The following MYRIP variants were observed in gnomAD, a reference collection of about 807,000 sequenced individuals.
MYRIP encodes the protein myosin VIIA and Rab interacting protein.
Under a neutral mutation model 98.0 loss-of-function variants are expected in MYRIP, and 49 were observed. That is an observed-to-expected ratio of 0.50 (90% CI 0.40 to 0.63). The LOEUF is 0.63. Among genes scored for constraint, MYRIP ranks in the 30% least tolerant of loss-of-function variants. The pLI is 0.00. For missense variants in MYRIP, 1,004 were observed against 1,058.2 expected (o/e 0.95, Z 0.71); for synonymous variants, 404 against 409.5 (o/e 0.99, Z 0.16).
At chr3:39,917,453 AAAT>A (rs1240202175) in intron 2 of MYRIP, among the ~76,000 whole-genome samples, 2 of 122,522 alleles carry the variant, frequency 1.6e-5, no homozygotes, top group Non-Finnish European at 3.4e-5. Flanking sequence ...AATTTAAAAA[AAAT>A]AAAAAAATAG....
chr3:39,994,113 G>A (rs1378209872), intron 2 of MYRIP, among the ~76,000 whole-genome samples: 1 of 152,222 alleles, frequency 6.6e-6, no homozygotes, highest in African/African-American at 2.4e-5. Flanking sequence ...CAGCGTGAGC[G>A]ATGCAGAAGA....
At chr3:40,245,183 A>G (rs1953150704) in intron 13 of MYRIP, among the ~76,000 whole-genome samples, 1 of 152,208 alleles carries the variant, frequency 6.6e-6, no homozygotes, top group Non-Finnish European at 1.5e-5. Flanking sequence ...CGGCTATTTC[A>G]GAACTGATTG....
chr3:40,170,188 G>T, intron 8 of MYRIP, 95 bp downstream of exon 8: 1 of 1,488,046 alleles, frequency 6.7e-7, no homozygotes, highest in Non-Finnish European at 9.0e-7. Context: ...CCACTGGCCA[G>T]GGTAAAAATT....
At chr3:40,179,259 CTGTTGG>C (rs1950834399) in intron 8 of MYRIP, among the ~76,000 whole-genome samples, 1 of 152,138 alleles carries the variant, frequency 6.6e-6, no homozygotes, top group African/African-American at 2.4e-5. Flanking sequence ...GTCCTAGGAC[CTGTTGG>C]AGACAGCTCT....
intron 2 of MYRIP, among the ~76,000 whole-genome samples, chr3:39,956,138 G>A (rs565876867): frequency 7.9e-5 from 12 of 152,198 alleles, no homozygotes; most frequent in African/African-American, 2.4e-4. Flanking sequence ...AACTTAACAA[G>A]GATATCCAGG....
chr3:40,112,378 C>T (rs1047298662), intron 3 of MYRIP, among the ~76,000 whole-genome samples: 1 of 152,124 alleles, frequency 6.6e-6, no homozygotes, highest in Non-Finnish European at 1.5e-5. Flanking sequence ...TCACACTGGT[C>T]CTCAGTAAAT....
rs778270393 is a variant in MYRIP, at chr3:40,151,115, A to G, written c.400A>G (p.Ser134Gly). ...NVKSRFKRFGSAKVLKNLYRK... is the reference protein window; with the variant it reads ...NVKSRFKRFGGAKVLKNLYRK... ...GAAGAGCCGCTTCAAGCGCTTTGGC[A>G]GTGCCAAGGTTCTGAAGAACCTGTA... The change falls in exon 4 of 17, where the codon AGT becomes GGT. Residue 134 changes from serine (S) to glycine (G), a missense_variant. Around this residue, in one of 3 missense-constraint regions of MYRIP, gnomAD observed 880 missense variants for 907.7 expected, o/e 0.97. Coordinates refer to ENST00000302541, the MANE Select transcript of MYRIP (RefSeq NM_015460.4). 2.5e-6 allele frequency: 4 copies of G among 1,611,438 alleles called. No individual in the cohort carries two copies. Among genetic ancestry groups the G allele is most frequent in the Non-Finnish European group, 2.5e-6 (3 of 1,178,734 alleles).
At chr3:40,205,381 TA>T (rs1339172007) in intron 10 of MYRIP, among the ~76,000 whole-genome samples, 1 of 151,742 alleles carries the variant, frequency 6.6e-6, no homozygotes, top group East Asian at 1.9e-4. Flanking sequence ...TTCCCTGGCG[TA>T]AAATGCTTAT....
chr3:40,014,773 T>C lies in MYRIP; in HGVS notation c.111-29277T>C, dbSNP rs116196838. Among the ~76,000 whole-genome samples, 385 of 152,342 alleles carry C rather than the reference T, an allele frequency of 2.5e-3. 3 individuals are homozygous for C. The highest frequency in any genetic ancestry group is 8.6e-3 in the African/African-American group (356 of 41,580). On this transcript the variant is annotated intron_variant, in intron 2 of 16. Coordinates refer to ENST00000302541, the MANE Select transcript of MYRIP (RefSeq NM_015460.4). ...TCCCAGTTACATACATTTTGTTGGA[T>C]CCATGTACATGTTTTGAATCAGGAA...
intron 2 of MYRIP, among the ~76,000 whole-genome samples, chr3:40,039,218 GA>G (rs1947456216): frequency 6.6e-6 from 1 of 152,080 alleles, no homozygotes; most frequent in Non-Finnish European, 1.5e-5. Flanking sequence ...AGTTGGGGTG[GA>G]GAAAGTCTAC....
intron 4 of MYRIP, among the ~76,000 whole-genome samples, chr3:40,162,468 C>T (rs1950416670): frequency 6.6e-6 from 1 of 152,168 alleles, no homozygotes; most frequent in African/African-American, 2.4e-5. Context: ...GTCTTTGACT[C>T]CATATTGCCT....
At chr3:39,856,179 G>A (rs1942288437) in intron 1 of MYRIP, among the ~76,000 whole-genome samples, 1 of 152,172 alleles carries the variant, frequency 6.6e-6, no homozygotes, top group South Asian at 2.1e-4. Context: ...TTTTTGGCCT[G>A]TTTCACAGAA....
intron 11 of MYRIP, among the ~76,000 whole-genome samples, chr3:40,231,138 C>T (rs1192176720): frequency 6.6e-6 from 1 of 152,226 alleles, no homozygotes; most frequent in Non-Finnish European, 1.5e-5. Flanking sequence ...TCAGTCACTT[C>T]TGCCAGCTGG....
intron 1 of MYRIP, among the ~76,000 whole-genome samples, chr3:39,851,812 G>T (rs989718909): frequency 6.6e-6 from 1 of 152,040 alleles, no homozygotes; most frequent in Non-Finnish European, 1.5e-5. Flanking sequence ...TTCAAATAGA[G>T]GTCAAAATGC....
chr3:40,037,083 C>G (rs567170799), intron 2 of MYRIP, among the ~76,000 whole-genome samples: 2 of 151,886 alleles, frequency 1.3e-5, no homozygotes, highest in Admixed American at 6.6e-5. Context: ...GAAAATAAAA[C>G]ACAGCATAGT....
intron 8 of MYRIP, 97 bp downstream of exon 8, chr3:40,170,190 G>C: frequency 6.7e-7 from 1 of 1,482,458 alleles, no homozygotes; most frequent in Non-Finnish European, 9.1e-7. Context: ...ACTGGCCAGG[G>C]TAAAAATTTC....
chr3:39,996,033 C>G (rs1462505224), intron 2 of MYRIP, among the ~76,000 whole-genome samples: 1 of 152,124 alleles, frequency 6.6e-6, no homozygotes, highest in African/African-American at 2.4e-5. Context: ...CTGAAGGAAG[C>G]ACTAAACATG....
intron 1 of MYRIP, among the ~76,000 whole-genome samples, chr3:39,859,528 G>T (rs996776727): frequency 6.6e-6 from 1 of 152,126 alleles, no homozygotes; most frequent in African/African-American, 2.4e-5. Context: ...ATTTTATGAG[G>T]CTAACATTAC....
At chr3:39,975,615 A>G (rs1269742956) in intron 2 of MYRIP, among the ~76,000 whole-genome samples, 1 of 152,034 alleles carries the variant, frequency 6.6e-6, no homozygotes, top group Non-Finnish European at 1.5e-5. Flanking sequence ...AAAAGAACAA[A>G]GCTGGAGGCA....
Sources: gnomAD v4.1 joint callset for allele counts (sites outside exome capture counted in the v4.1 genomes callset) on GRCh38, gnomAD v4.1.1 for gene constraint, gnomAD v4.1.1 regional missense constraint, MANE v1.5 for transcripts, NCBI Gene and HGNC (gene_info 2026-07-23, HGNC 2026-07-21) for gene names.